The following PTCD2 variants were observed in gnomAD, a reference collection of about 807,000 sequenced individuals.
The protein encoded by PTCD2 is pentatricopeptide repeat-containing protein 2, mitochondrial.
In PTCD2, 31 loss-of-function variants were observed where a neutral mutation model predicts 42.6. That is an observed-to-expected ratio of 0.73 (90% CI 0.55 to 0.98). The LOEUF (loss-of-function observed/expected upper bound fraction) is 0.98, where lower values mean the gene tolerates loss of function less well. Ranked by LOEUF, PTCD2 falls within the 50% of genes least tolerant of loss-of-function variation. The pLI, the probability that PTCD2 is intolerant of heterozygous loss-of-function variation, is 0.00. For synonymous variants in PTCD2, 183 were observed against 170.9 expected, an observed-to-expected ratio of 1.07 and a Z score of -0.55; for missense variants, 476 against 454.8, an observed-to-expected ratio of 1.05 and a Z score of -0.42.
At chr5:72,328,357 C>T (rs960458411) in intron 3 of PTCD2, among the ~76,000 whole-genome samples, 1 of 152,196 alleles carries the variant, frequency 6.6e-6, no homozygotes, top group Non-Finnish European at 1.5e-5. Flanking sequence ...TCTGGAGTGC[C>T]TCATTATTCA....
At chr5:72,353,185 A>G (rs1408446351) in intron 9 of PTCD2, among the ~76,000 whole-genome samples, 1 of 152,160 alleles carries the variant, frequency 6.6e-6, no homozygotes, top group Non-Finnish European at 1.5e-5. Flanking sequence ...CCCTTGCCCT[A>G]TATACCCATG....
intron 2 of PTCD2, among the ~76,000 whole-genome samples, chr5:72,322,734 T>C (rs1202286796): frequency 6.6e-6 from 1 of 152,264 alleles, no homozygotes. Flanking sequence ...CATATCTATA[T>C]ATAAATGAAA....
At chr5:72,334,446 C>T (rs752632062) in intron 4 of PTCD2, among the ~76,000 whole-genome samples, 27 of 152,182 alleles carry the variant, frequency 1.8e-4, no homozygotes, top group Non-Finnish European at 2.9e-4. Flanking sequence ...TGACAAATGA[C>T]GGTTCCTTAA....
rs1404220456 is a variant in PTCD2 at position 72,360,031 on chromosome 5, T to C, written c.*1604T>C. 2 of 151,958 alleles carry C rather than the reference T, an allele frequency of 1.3e-5. No individual in the cohort carries two copies. The highest frequency in any genetic ancestry group is 4.8e-5 in the African/African-American group (2 of 41,374). The allele number at this position is 151,958 out of a possible 1,614,324, so 9.4% of individuals were successfully genotyped here. On this transcript the variant is annotated 3_prime_UTR_variant, in exon 10 of 10. Transcript: ENST00000380639. ...AGTGGCTGGCACATAGTACATGCAATATGTTTGAAACTAGTTAAGGAATTA... is the reference window on the plus strand; with the variant it reads ...AGTGGCTGGCACATAGTACATGCAACATGTTTGAAACTAGTTAAGGAATTA...
intron 8 of PTCD2, among the ~76,000 whole-genome samples, chr5:72,344,406 G>A (rs1005232113): frequency 2.0e-5 from 3 of 152,224 alleles, no homozygotes; most frequent in Admixed American, 6.5e-5. Flanking sequence ...CCAGCTACTC[G>A]GGAGGCTGAG....
Position 72,367,281 on chromosome 5 carries a change from A to T in PTCD2, c.*8854A>T, listed in dbSNP as rs1470273162. On this transcript the variant is annotated 3_prime_UTR_variant, in exon 10 of 10. Transcript: ENST00000380639. Reference sequence around the variant, plus strand: ...GAGCACTAACTATACTGGGGCTGGGATGGGGATTCTGATGAGAGATATCCC... The same window carrying T: ...GAGCACTAACTATACTGGGGCTGGGTTGGGGATTCTGATGAGAGATATCCC... 1 of 152,244 alleles carries T rather than the reference A, an allele frequency of 6.6e-6. No homozygotes were observed. Among genetic ancestry groups the T allele is most frequent in the Non-Finnish European group, 1.5e-5 (1 of 68,056 alleles). 9.4% of individuals were successfully genotyped at this position (152,244 alleles called of 1,614,324 possible). A position where few individuals can be genotyped will look rare whatever the true frequency, so the allele number is the denominator to read the frequency against.
chr5:72,360,048 A>G lies in PTCD2; in HGVS notation c.*1621A>G, dbSNP rs1165966173. The G allele has an allele frequency of 6.6e-6, 1 of 152,018 alleles. No individual in the cohort carries two copies. The highest frequency in any genetic ancestry group is 1.5e-5 in the Non-Finnish European group (1 of 68,018). The allele number at this position is 152,018 out of a possible 1,614,324, so 9.4% of individuals were successfully genotyped here. A position where few individuals can be genotyped will look rare whatever the true frequency, so the allele number is the denominator to read the frequency against. ...ACATGCAATATGTTTGAAACTAGTT[A>G]AGGAATTATAAAAACAAATGAGTTC... is the stretch of plus-strand genomic sequence containing the variant. On this transcript the variant is annotated 3_prime_UTR_variant, in exon 10 of 10. Transcript: ENST00000380639.
At chr5:72,355,750 C>T (rs372793607) in intron 9 of PTCD2, among the ~76,000 whole-genome samples, 25 of 152,132 alleles carry the variant, frequency 1.6e-4, no homozygotes, top group East Asian at 5.8e-4. Flanking sequence ...AGAAATTGTA[C>T]GTTATTGACA....
intron 1 of PTCD2, chr5:72,321,092 C>G (rs1321564827): frequency 6.5e-6 from 1 of 152,754 alleles, no homozygotes; most frequent in East Asian, 1.9e-4. Context: ...GAGTGAGCCA[C>G]CGCGCCCGGC....
At chr5:72,328,256 G>C (rs565869505) in intron 3 of PTCD2, among the ~76,000 whole-genome samples, 1 of 152,242 alleles carries the variant, frequency 6.6e-6, no homozygotes, top group Non-Finnish European at 1.5e-5. Flanking sequence ...TCTGCAGTCA[G>C]CTGGTAGCTG....
At position 72,364,396 on chromosome 5, in the gene PTCD2, C is replaced by G. The variant is rs1486960063; in HGVS notation, c.*5969C>G. 6.6e-6 allele frequency: 1 copy of G among 152,138 alleles called. No individual in the cohort carries two copies. The highest frequency in any genetic ancestry group is 2.4e-5 in the African/African-American group (1 of 41,432). The allele number at this position is 152,138 out of a possible 1,614,324, so 9.4% of individuals were successfully genotyped here. A position where few individuals can be genotyped will look rare whatever the true frequency, so the allele number is the denominator to read the frequency against. ...CCCTGTGGCATGTATAAAGGAAGAC[C>G]TTTTGCTGGTGTTTTGTAAAACCAG... On this transcript the variant is annotated 3_prime_UTR_variant, in exon 10 of 10. Coordinates refer to ENST00000380639, the MANE Select transcript of PTCD2 (RefSeq NM_024754.5).
At position 72,326,667 on chromosome 5, in the gene PTCD2, G is replaced by C. The variant is rs751399074; in HGVS notation, c.276G>C (p.Lys92Asn). 5.0e-6 allele frequency: 8 copies of C among 1,614,148 alleles called. No individual in the cohort carries two copies. The highest frequency in any genetic ancestry group is 4.5e-5 in the East Asian group (2 of 44,890). Reference sequence around the variant, plus strand: ...TGACCCAGAACAAGCTCATCTTGAAGGGGGAGTTGATAACCTTACTACATT... The same window carrying C: ...TGACCCAGAACAAGCTCATCTTGAACGGGGAGTTGATAACCTTACTACATT... ...KKLTQNKLILKGELITLLHLC... is the reference protein window; with the variant it reads ...KKLTQNKLILNGELITLLHLC... Residue 92 changes from lysine to asparagine, a missense_variant, in exon 3 of 10, where the codon AAG (lysine) becomes AAC (asparagine). Coordinates refer to ENST00000380639, the MANE Select transcript of PTCD2 (RefSeq NM_024754.5).
chr5:72,337,853 T>C (rs571764108), intron 6 of PTCD2, among the ~76,000 whole-genome samples: 2 of 152,264 alleles, frequency 1.3e-5, no homozygotes, highest in South Asian at 4.1e-4. Context: ...TTCTCCCCTG[T>C]GTCATGTCCA....
At chr5:72,335,713 G>T in intron 5 of PTCD2, 81 bp from the exon 6 acceptor site, 1 of 737,416 alleles carries the variant, frequency 1.4e-6, no homozygotes, top group South Asian at 2.0e-5. Flanking sequence ...CTTTTCTGTA[G>T]ATGGTGCTGA....
rs535633288 is a variant in PTCD2, at chr5:72,349,391, C to T, written c.829-3250C>T. Reference sequence around the variant, plus strand: ...AAATGGTCTTTGAGTTTCGTACATACATGAAAGTGTCTATTAAGGTTAGGG... The same window carrying T: ...AAATGGTCTTTGAGTTTCGTACATATATGAAAGTGTCTATTAAGGTTAGGG... On this transcript the variant is annotated intron_variant, in intron 8 of 9. Coordinates refer to ENST00000380639, the MANE Select transcript of PTCD2 (RefSeq NM_024754.5). Among the ~76,000 whole-genome samples the T allele has an allele frequency of 1.4e-4, 21 of 152,280 alleles. No homozygotes were observed. In the South Asian group the frequency reaches 3.9e-3, roughly 29 times the overall value.
intron 8 of PTCD2, among the ~76,000 whole-genome samples, chr5:72,352,054 G>A (rs1561396183): frequency 6.6e-6 from 1 of 152,126 alleles, no homozygotes; most frequent in Non-Finnish European, 1.5e-5. Context: ...CACTTAGCTG[G>A]TACTTGCCAG....
At chr5:72,346,299 G>A (rs541352751) in intron 8 of PTCD2, among the ~76,000 whole-genome samples, 2 of 152,294 alleles carry the variant, frequency 1.3e-5, no homozygotes, top group South Asian at 4.1e-4. Flanking sequence ...ATATACACCT[G>A]GTAATGGATT....
At chr5:72,343,415 C>T (rs1457310458) in intron 8 of PTCD2, among the ~76,000 whole-genome samples, 3 of 152,184 alleles carry the variant, frequency 2.0e-5, no homozygotes, top group East Asian at 3.8e-4. Flanking sequence ...GTGCCAACTG[C>T]GTCTTATTGG....
intron 8 of PTCD2, among the ~76,000 whole-genome samples, chr5:72,349,613 C>T (rs970370247): frequency 6.6e-6 from 1 of 152,054 alleles, no homozygotes; most frequent in Non-Finnish European, 1.5e-5. Context: ...TTTCCTGATG[C>T]CTCAGAAAAT....
Sources: allele counts gnomAD v4.1 joint callset (sites outside exome capture counted in the v4.1 genomes callset), GRCh38; gene constraint gnomAD v4.1.1; transcripts MANE v1.5; gene names NCBI Gene and HGNC (gene_info 2026-07-23, HGNC 2026-07-21).